CACNA2D2: variants seen among roughly 807,000 people sequenced by gnomAD.
CACNA2D2 encodes the protein calcium voltage-gated channel auxiliary subunit alpha2delta 2.
CACNA2D2 carries 48 observed loss-of-function variants against 166.4 expected under a neutral mutation model. The observed-to-expected ratio is 0.29, with a 90% CI of 0.23 to 0.37. The LOEUF is 0.37. CACNA2D2 is among the 10% of genes least tolerant of loss of function. CACNA2D2 has a pLI of 1.00. For synonymous variants in CACNA2D2, 561 were observed against 573.7 expected, an observed-to-expected ratio of 0.98 and a Z score of 0.32; for missense variants, 1,122 against 1,433.0, an observed-to-expected ratio of 0.78 and a Z score of 3.50.
At chr3:50,411,219 T>C (rs961741708) in intron 3 of CACNA2D2, among the ~76,000 whole-genome samples, 2 of 152,202 alleles carry the variant, frequency 1.3e-5, no homozygotes, top group African/African-American at 2.4e-5. Flanking sequence ...AATTTGTTCA[T>C]TGCTTCACCT....
chr3:50,484,106 TC>T (rs1698174724), intron 1 of CACNA2D2, among the ~76,000 whole-genome samples: 2 of 151,982 alleles, frequency 1.3e-5, no homozygotes. Flanking sequence ...CCACCTCTTC[TC>T]CCCACTCCCT....
intron 2 of CACNA2D2, among the ~76,000 whole-genome samples, chr3:50,455,315 C>T (rs1226923344): frequency 6.6e-6 from 1 of 152,196 alleles, no homozygotes; most frequent in Admixed American, 6.5e-5. Flanking sequence ...ATAATCACTC[C>T]GCTCTCTGGG....
At chr3:50,434,254 G>A (rs763335729) in intron 3 of CACNA2D2, 59 bp downstream of exon 3, 48 of 1,176,310 alleles carry the variant, frequency 4.1e-5, no homozygotes, top group Admixed American at 1.2e-4. Flanking sequence ...CATGGTACAG[G>A]ACCTCTCCAC....
At chr3:50,474,216 G>A (rs1710215876) in intron 2 of CACNA2D2, among the ~76,000 whole-genome samples, 2 of 152,222 alleles carry the variant, frequency 1.3e-5, no homozygotes, top group African/African-American at 4.8e-5. Context: ...GCTCACTGAT[G>A]AAAGTGTCTA....
Position 50,365,959 on chromosome 3 carries a change from G to A in CACNA2D2, c.2862+52C>T. On this transcript the variant is annotated intron_variant, in intron 32 of 37. Coordinates refer to ENST00000424201, the MANE Select transcript of CACNA2D2 (RefSeq NM_006030.4). The surrounding 1 kb of genome is among the most constrained non-coding windows in gnomAD (Gnocchi z 4.5). ...GTCAGAGGTAGGGGGTCATCTGTGG[G>A]CAGGTCTCCCAGTCCCCCCCATCTC... is the stretch of plus-strand genomic sequence containing the variant. 2.5e-6 allele frequency: 4 copies of A among 1,610,804 alleles called. No homozygotes were observed. The highest frequency in any genetic ancestry group is 2.2e-5 in the South Asian group (2 of 91,008).
intron 2 of CACNA2D2, among the ~76,000 whole-genome samples, chr3:50,448,467 T>C (rs927389395): frequency 3.3e-5 from 5 of 152,164 alleles, no homozygotes; most frequent in Non-Finnish European, 1.5e-5. Context: ...AGCGTGATGG[T>C]GCTTCCATGG....
intron 23 of CACNA2D2, among the ~76,000 whole-genome samples, chr3:50,369,903 C>G (rs587655941): frequency 2.0e-5 from 3 of 152,098 alleles, no homozygotes; most frequent in Non-Finnish European, 4.4e-5. Context: ...CAGACCCACA[C>G]GAACACCGAC....
Position 50,479,278 on chromosome 3 carries a change from A to T in CACNA2D2, c.207-3079T>A, listed in dbSNP as rs556192387. 4.6e-5 allele frequency among the ~76,000 whole-genome samples: 7 copies of T among 152,270 alleles called. No homozygotes were observed. The South Asian group carries it at 1.5e-3, about 32-fold the overall frequency. ...AGGAACTGGCCTGCTATGACACAGCAGGCCACACACATGTCCTCCCAAGGT... is the reference window on the plus strand; with the variant it reads ...AGGAACTGGCCTGCTATGACACAGCTGGCCACACACATGTCCTCCCAAGGT... On this transcript the variant is annotated intron_variant, in intron 1 of 37. Transcript: ENST00000424201.
chr3:50,474,370 G>C (rs1231290726), intron 2 of CACNA2D2, among the ~76,000 whole-genome samples: 1 of 152,100 alleles, frequency 6.6e-6, no homozygotes, highest in African/African-American at 2.4e-5. Flanking sequence ...TTCATCCTCC[G>C]GTCAGACTTC....
chr3:50,393,695 T>A (rs1258460362), intron 4 of CACNA2D2, among the ~76,000 whole-genome samples: 2 of 152,272 alleles, frequency 1.3e-5, no homozygotes, highest in East Asian at 3.9e-4. Flanking sequence ...TTCAGGGAAG[T>A]CAGGGAAGGG....
At chr3:50,473,627 G>A (rs973833891) in intron 2 of CACNA2D2, among the ~76,000 whole-genome samples, 5 of 152,234 alleles carry the variant, frequency 3.3e-5, no homozygotes, top group Non-Finnish European at 5.9e-5. Context: ...AGCCAGGTAT[G>A]GGCTGGGTAC....
intron 2 of CACNA2D2, among the ~76,000 whole-genome samples, chr3:50,463,912 C>T (rs1709701431): frequency 6.6e-6 from 1 of 152,250 alleles, no homozygotes; most frequent in African/African-American, 2.4e-5. Context: ...AGGAGTCCAA[C>T]ACAGTTTGGA....
In CACNA2D2 at chr3:50,380,124, G is replaced by A. The variant is rs1038489257; in HGVS notation, c.843-106C>T. 6 of 1,139,848 alleles carry A rather than the reference G, an allele frequency of 5.3e-6. No individual in the cohort carries two copies. In the African/African-American group the frequency reaches 7.6e-5, roughly 14 times the overall value. The allele number at this position is 1,139,848 out of a possible 1,614,324, so 70.6% of individuals were successfully genotyped here. On this transcript the variant is annotated intron_variant, in intron 8 of 37. Coordinates refer to ENST00000424201, the MANE Select transcript of CACNA2D2 (RefSeq NM_006030.4). This position sits in a 1 kb window ranked among gnomAD's most constrained non-coding sequence, Gnocchi z 4.9. Reference sequence around the variant, plus strand: ...AATACATTTCTCTTGAGCATGCACTGTGTGGGCCAGGCAGGGTTCTATGCA... The same window carrying A: ...AATACATTTCTCTTGAGCATGCACTATGTGGGCCAGGCAGGGTTCTATGCA...
intron 22 of CACNA2D2, among the ~76,000 whole-genome samples, chr3:50,372,719 G>A (rs1246552662): frequency 6.6e-6 from 1 of 152,194 alleles, no homozygotes; most frequent in Non-Finnish European, 1.5e-5. Context: ...GGAGGTGGTG[G>A]AGAAGCGTCC....
chr3:50,441,973 G>A (rs1347685378), intron 2 of CACNA2D2, among the ~76,000 whole-genome samples: 4 of 152,324 alleles, frequency 2.6e-5, no homozygotes, highest in African/African-American at 9.6e-5. Flanking sequence ...GACTATTCCA[G>A]CCCAGCTGTC....
rs1405374586 is a variant in CACNA2D2 at position 50,376,796 on chromosome 3, T to A, written c.1627-608A>T. 3.3e-5 allele frequency among the ~76,000 whole-genome samples: 5 copies of A among 152,158 alleles called. No individual in the cohort carries two copies. The highest frequency in any genetic ancestry group is 1.2e-4 in the African/African-American group (5 of 41,442). On this transcript the variant is annotated intron_variant, in intron 17 of 37. Transcript: ENST00000424201. This position sits in a 1 kb window ranked among gnomAD's most constrained non-coding sequence, Gnocchi z 4.3. ...TCAGGCTTAATGATGCTGTTGTACA[T>A]ACCACACCTCTCCCCCTTCCACAGG...
intron 1 of CACNA2D2, among the ~76,000 whole-genome samples, chr3:50,486,451 T>C (rs890338296): frequency 6.6e-6 from 1 of 151,784 alleles, no homozygotes; most frequent in East Asian, 1.9e-4. Context: ...ATAGCTGTCC[T>C]CTGTATGAGT....
intron 1 of CACNA2D2, among the ~76,000 whole-genome samples, chr3:50,496,247 A>T (rs981743349): frequency 4.6e-5 from 7 of 152,218 alleles, no homozygotes; most frequent in Non-Finnish European, 1.0e-4. Flanking sequence ...TTGACTTCAT[A>T]TGCACATACA....
chr3:50,396,969 A>G (rs1338601053), intron 3 of CACNA2D2, among the ~76,000 whole-genome samples: 1 of 152,038 alleles, frequency 6.6e-6, no homozygotes, highest in African/African-American at 2.4e-5. Flanking sequence ...CTGGGCCATG[A>G]CCCTGAGGAA....
Sources: gnomAD v4.1 joint callset for allele counts (sites outside exome capture counted in the v4.1 genomes callset) on GRCh38, gnomAD v4.1.1 for gene constraint, Gnocchi (gnomAD v3.1) non-coding constraint, MANE v1.5 for transcripts, NCBI Gene and HGNC (gene_info 2026-07-23, HGNC 2026-07-21) for gene names.